The following HSPH1 variants were observed in gnomAD, a reference collection of about 807,000 sequenced individuals.
HSPH1 encodes the protein heat shock protein family H (Hsp110) member 1.
In HSPH1, 40 loss-of-function variants were observed where a neutral mutation model predicts 100.0. The observed-to-expected ratio is 0.40, with a 90% CI of 0.31 to 0.52. The LOEUF (loss-of-function observed/expected upper bound fraction) is 0.52. Ranked by LOEUF, HSPH1 falls within the 20% of genes least tolerant of loss-of-function variation. The pLI, the probability that HSPH1 is intolerant of heterozygous loss-of-function variation, is 0.54. For missense variants in HSPH1, 876 were observed against 1,015.1 expected, an observed-to-expected ratio of 0.86 and a Z score of 1.86; for synonymous variants, 403 against 344.0, an observed-to-expected ratio of 1.17 and a Z score of -1.90.
rs1300076858 is a variant in HSPH1 at position 31,148,088 on chromosome 13, G to A, written c.1249C>T (p.His417Tyr). The A allele has an allele frequency of 1.9e-6, 3 of 1,604,956 alleles. No individual in the cohort carries two copies. Among genetic ancestry groups the A allele is most frequent in the Non-Finnish European group, 2.5e-6 (3 of 1,177,444 alleles). ...NHDSEDTEGVHEVFSRNHAAP... is the reference protein window; with the variant it reads ...NHDSEDTEGVYEVFSRNHAAP... Reference sequence around the variant, plus strand: ...GCATGGTTTCGACTAAAGACTTCATGAACACTAGAGAGAAAAGAAAAAGGC... The same window carrying A: ...GCATGGTTTCGACTAAAGACTTCATAAACACTAGAGAGAAAAGAAAAAGGC... The change falls in exon 10 of 18, where the codon CAT (histidine) becomes TAT (tyrosine). Residue 417 changes from histidine (H) to tyrosine (Y), a missense_variant. Transcript: ENST00000320027.
At chr13:31,162,360 G>A (rs1041514585), upstream of HSPH1, 11 of 548,002 alleles carry the variant, frequency 2.0e-5, no homozygotes, top group Non-Finnish European at 3.3e-5. Context: ...AGAGCATGTT[G>A]GGAATCGTAG....
intron 16 of HSPH1, 66 bp from the exon 17 acceptor site, chr13:31,138,634 T>G: frequency 6.5e-7 from 1 of 1,532,974 alleles, no homozygotes; most frequent in South Asian, 1.3e-5. Context: ...TTGACTCAAC[T>G]TTCCAGGAAG....
intron 12 of HSPH1, among the ~76,000 whole-genome samples, chr13:31,141,795 C>CAT (rs1177218597): frequency 7.1e-5 from 5 of 69,970 alleles, no homozygotes; most frequent in Admixed American, 3.0e-4. Context: ...ACTCCATACA[C>CAT]ATACATACAC....
rs1593223095 is a variant in HSPH1 at position 31,161,484 on chromosome 13, C to T, written c.99G>A (p.Arg33=). ...CGCAGACTCCCACTTACGGGGTGCA[C>T]CGGTCGCTGAACTCATTGGCGATGG... ...IETIANEFSD[R]CTPSVISFGS... Residue 33 remains arginine (R), a synonymous_variant, in exon 1 of 18, where the codon CGG becomes CGA. Transcript: ENST00000320027. 3 of 1,613,940 alleles carry T rather than the reference C, an allele frequency of 1.9e-6. No individual in the cohort carries two copies. The highest frequency in any genetic ancestry group is 2.7e-5 in the African/African-American group (2 of 74,926).
rs566584900 is a variant in HSPH1 at position 31,145,836 on chromosome 13, G to A, written c.1379-68C>T. 4.1e-5 allele frequency: 60 copies of A among 1,467,834 alleles called. No individual in the cohort carries two copies. In the East Asian group the frequency reaches 1.3e-3, roughly 33 times the overall value. 90.9% of individuals were successfully genotyped at this position (1,467,834 alleles called of 1,614,324 possible). A position where few individuals can be genotyped will look rare whatever the true frequency, so the allele number is the denominator to read the frequency against. On this transcript the variant is annotated intron_variant, in intron 10 of 17. Transcript: ENST00000320027. ...AGAATTAAGTCTAAATCTCTGTAGA[G>A]GAGGCCAGGTGGGTGGTTCATGTCT...
intron 1 of HSPH1, among the ~76,000 whole-genome samples, chr13:31,160,446 A>G (rs1377358775): frequency 6.6e-6 from 1 of 152,178 alleles, no homozygotes; most frequent in Non-Finnish European, 1.5e-5. Context: ...TTTAGGTTCA[A>G]TGTTTTCATT....
chr13:31,138,718 T>G, intron 16 of HSPH1, 63 bp downstream of exon 16: 1 of 1,561,380 alleles, frequency 6.4e-7, no homozygotes, highest in East Asian at 2.3e-5. Context: ...GATTCCCAGC[T>G]TAAGTGTTAG....
In HSPH1 at chr13:31,150,810, C is replaced by T. The variant is rs536855762; in HGVS notation, c.908+137G>A. ...CCCTAGAGCTAGTGGTGATAAACAA[C>T]AGCATCTCCAGCCACAGGCATGTAA... On this transcript the variant is annotated intron_variant, in intron 7 of 17. Coordinates refer to ENST00000320027, the MANE Select transcript of HSPH1 (RefSeq NM_006644.4). 182 of 821,644 alleles carry T rather than the reference C, an allele frequency of 2.2e-4. 3 individuals are homozygous for T. The Middle Eastern group carries it at 6.4e-3, about 29-fold the overall frequency. The allele number at this position is 821,644 out of a possible 1,614,324, so 50.9% of individuals were successfully genotyped here.
At position 31,139,097 on chromosome 13, in the gene HSPH1, T is replaced by A. The variant is rs780119178; in HGVS notation, c.1991A>T (p.Asn664Ile). 2 of 1,605,282 alleles carry A rather than the reference T, an allele frequency of 1.2e-6. No individual in the cohort carries two copies. The highest frequency in any genetic ancestry group is 2.2e-5 in the South Asian group (2 of 90,854). ...EKFICEQDHQ[N>I]FLRLLTETED... is the part of the protein sequence containing the mutation. Reference sequence around the variant, plus strand: ...AGTTTCTGTGAGGAGTCTCAAAAAATTTTGATGATCCTTAACACAAAATAT... The same window carrying A: ...AGTTTCTGTGAGGAGTCTCAAAAAAATTTGATGATCCTTAACACAAAATAT... Residue 664 changes from asparagine (N) to isoleucine (I), a missense_variant, in exon 15 of 18, where the codon AAT (asparagine) becomes ATT (isoleucine). Coordinates refer to ENST00000320027, the MANE Select transcript of HSPH1 (RefSeq NM_006644.4).
In HSPH1 at chr13:31,161,892, G is replaced by A; in HGVS notation, c.-310C>T. ...CGGCTCGCACACCGGCGCCGGCGCTGAACTACCGACCCAAAAGGGGAGGTC... is the reference window on the plus strand; with the variant it reads ...CGGCTCGCACACCGGCGCCGGCGCTAAACTACCGACCCAAAAGGGGAGGTC... On this transcript the variant is annotated 5_prime_UTR_variant, in exon 1 of 18. Transcript: ENST00000320027. 3.3e-6 allele frequency: 5 copies of A among 1,496,930 alleles called. No individual in the cohort carries two copies. Among genetic ancestry groups the A allele is most frequent in the Non-Finnish European group, 4.4e-6 (5 of 1,124,328 alleles). 92.7% of individuals were successfully genotyped at this position (1,496,930 alleles called of 1,614,324 possible).
At chr13:31,144,600 T>G (rs1307786964) in intron 11 of HSPH1, among the ~76,000 whole-genome samples, 5 of 152,182 alleles carry the variant, frequency 3.3e-5, no homozygotes, top group Admixed American at 3.3e-4. Context: ...AATATATTAG[T>G]GCTTGCTTGA....
At chr13:31,148,323 A>T in intron 9 of HSPH1, 51 bp downstream of exon 9, 2 of 1,199,242 alleles carry the variant, frequency 1.7e-6, no homozygotes, top group South Asian at 1.3e-5. Flanking sequence ...GTCATTTGTT[A>T]ATTTTTCTTC....
At position 31,145,565 on chromosome 13, in the gene HSPH1, C is replaced by T. The variant is rs936434850; in HGVS notation, c.1582G>A (p.Asp528Asn). 1 of 1,611,980 alleles carries T rather than the reference C, an allele frequency of 6.2e-7. No individual in the cohort carries two copies. Among genetic ancestry groups the T allele is most frequent in the Non-Finnish European group, 8.5e-7 (1 of 1,178,590 alleles). Residue 528 changes from aspartate to asparagine, a missense_variant and splice_region_variant, in exon 11 of 18, where the codon GAT becomes AAT. Coordinates refer to ENST00000320027, the MANE Select transcript of HSPH1 (RefSeq NM_006644.4). ...CAAAGGTTTATCCACAAACTTACATCAGTGTCTGGGTTTTCTGGTGGTCTC... is the reference window on the plus strand; with the variant it reads ...CAAAGGTTTATCCACAAACTTACATTAGTGTCTGGGTTTTCTGGTGGTCTC... ...NQRPPENPDT[D>N]KNVQQDNSEA...
chr13:31,153,835 CA>C (rs11438523), intron 4 of HSPH1: 3,934 of 138,680 alleles, frequency 0.028, 170 homozygotes, highest in African/African-American at 0.097. Context: ...AAAAATGTGG[CA>C]AAAAAAAAAA....
chr13:31,138,743 G>A, intron 16 of HSPH1, 38 bp downstream of exon 16: 1 of 1,579,736 alleles, frequency 6.3e-7, no homozygotes, highest in South Asian at 1.2e-5. Context: ...TTAAAATCTA[G>A]GTTAACTTCC....
rs764144720 is a variant in HSPH1, at chr13:31,161,456, C to T, written c.107+20G>A. 2.5e-6 allele frequency: 4 copies of T among 1,613,738 alleles called. No individual in the cohort carries two copies. Among genetic ancestry groups the T allele is most frequent in the South Asian group, 2.2e-5 (2 of 91,008 alleles). On this transcript the variant is annotated intron_variant, in intron 1 of 17. Transcript: ENST00000320027. ...GGGCCCAGAACCTCCTCCCATCCAC[C>T]CTCGCAGACTCCCACTTACGGGGTG...
intron 4 of HSPH1, chr13:31,154,361 G>A (rs977649947): frequency 2.1e-6 from 1 of 482,208 alleles, no homozygotes; most frequent in African/African-American, 2.0e-5. Context: ...GCAACTAACT[G>A]TATTAGAATA....
intron 10 of HSPH1, among the ~76,000 whole-genome samples, 193 bp downstream of exon 10, chr13:31,147,766 C>G (rs1956321545): frequency 6.6e-6 from 1 of 152,052 alleles, no homozygotes; most frequent in South Asian, 2.1e-4. Context: ...GTCATTCTAT[C>G]TCTAGACCAG....
At chr13:31,148,289 T>A in intron 9 of HSPH1, 85 bp downstream of exon 9, 1 of 1,026,852 alleles carries the variant, frequency 9.7e-7, no homozygotes, top group Non-Finnish European at 1.5e-6. Flanking sequence ...AGAGAAGTCA[T>A]TTGTTAATGA....
Sources: gnomAD v4.1 joint callset for allele counts (sites outside exome capture counted in the v4.1 genomes callset) on GRCh38, gnomAD v4.1.1 for gene constraint, MANE v1.5 for transcripts, NCBI Gene and HGNC (gene_info 2026-07-23, HGNC 2026-07-21) for gene names.